The following TRAPPC3L variants were observed in gnomAD, a reference collection of about 807,000 sequenced individuals.
The protein encoded by TRAPPC3L is trafficking protein particle complex subunit 3-like protein.
A neutral mutation model predicts 23.7 loss-of-function variants in TRAPPC3L; 23 were observed. That is an observed-to-expected ratio of 0.97 (90% CI 0.70 to 1.37). TRAPPC3L has a LOEUF of 1.37. TRAPPC3L is among the 40% of genes most tolerant of loss of function. The probability of loss-of-function intolerance (pLI) is 0.00; values close to 1 mark genes in which losing one functional copy is unlikely to be tolerated. For missense variants in TRAPPC3L, 212 were observed against 216.8 expected, an observed-to-expected ratio of 0.98 and a Z score of 0.14; for synonymous variants, 81 against 77.9, an observed-to-expected ratio of 1.04 and a Z score of -0.21.
intron 3 of TRAPPC3L, among the ~76,000 whole-genome samples, chr6:116,531,371 GTGGA>G (rs1431558576): frequency 1.3e-5 from 2 of 152,080 alleles, no homozygotes; most frequent in African/African-American, 2.4e-5. Context: ...AAGCAGTGAG[GTGGA>G]GAGAAGGAAA....
At chr6:116,515,613 G>C in intron 3 of TRAPPC3L, 1 of 1,610,550 alleles carries the variant, frequency 6.2e-7, no homozygotes. Flanking sequence ...CTAGGATGGT[G>C]CCTGATTTGT....
intron 3 of TRAPPC3L, among the ~76,000 whole-genome samples, chr6:116,530,248 C>T (rs990675430): frequency 6.6e-6 from 1 of 151,912 alleles, no homozygotes; most frequent in African/African-American, 2.4e-5. Context: ...AAGGAAAAAA[C>T]AGCCTAAGAT....
chr6:116,512,257 C>G (rs993210554), intron 3 of TRAPPC3L: 2 of 1,573,908 alleles, frequency 1.3e-6, no homozygotes, highest in African/African-American at 2.7e-5. Context: ...ACAAACTCGC[C>G]TTTTTCTCTC....
Position 116,497,075 on chromosome 6 carries a change from T to A in TRAPPC3L, c.427-2A>T. On this transcript the variant is annotated splice_acceptor_variant, in intron 4 of 4. Transcript: ENST00000368602. LOFTEE classifies it high-confidence loss of function. ...TGTAACATCAGCCGCCAAATGAACC[T>A]AGGAAAGAAGAAAAAAACAGGCCTG... 1 of 1,537,140 alleles carries A rather than the reference T, an allele frequency of 6.5e-7. No individual in the cohort carries two copies. Among genetic ancestry groups the A allele is most frequent in the East Asian group, 2.5e-5 (1 of 40,066 alleles).
chr6:116,539,000 G>A (rs776892437), intron 3 of TRAPPC3L, among the ~76,000 whole-genome samples: 2 of 151,916 alleles, frequency 1.3e-5, no homozygotes, highest in Non-Finnish European at 2.9e-5. Context: ...TAAGCTAATG[G>A]GATGAATTTT....
intron 1 of TRAPPC3L, chr6:116,543,811 C>T (rs1165641210): frequency 2.0e-6 from 3 of 1,534,126 alleles, no homozygotes; most frequent in Middle Eastern, 1.7e-4. Flanking sequence ...TGCACAATCC[C>T]TAATGGCCCC....
chr6:116,536,915 ATGC>A (rs58771039), intron 3 of TRAPPC3L, among the ~76,000 whole-genome samples: 5,725 of 152,254 alleles, frequency 0.038, 350 homozygotes, highest in African/African-American at 0.13. Flanking sequence ...TAATAAGATA[ATGC>A]TGCCACAGGC....
At chr6:116,505,637 AC>A (rs1771991873) in intron 3 of TRAPPC3L, among the ~76,000 whole-genome samples, 1 of 152,218 alleles carries the variant, frequency 6.6e-6, no homozygotes, top group African/African-American at 2.4e-5. Context: ...GGTTACAGTA[AC>A]CAAAACAGCA....
chr6:116,535,680 C>A (rs1244558087), intron 3 of TRAPPC3L, among the ~76,000 whole-genome samples: 1 of 152,168 alleles, frequency 6.6e-6, no homozygotes, highest in Non-Finnish European at 1.5e-5. Context: ...TCTAATATTT[C>A]ATTATTACAA....
intron 3 of TRAPPC3L, chr6:116,515,939 G>T (rs368164220): frequency 6.2e-7 from 1 of 1,612,576 alleles, no homozygotes; most frequent in Middle Eastern, 1.6e-4. Flanking sequence ...ACTTAGCCCT[G>T]AGGATGATGA....
intron 3 of TRAPPC3L, chr6:116,524,851 A>G (rs1227290929): frequency 1.3e-5 from 2 of 152,210 alleles, no homozygotes; most frequent in Non-Finnish European, 2.9e-5. Context: ...TTTAAAACTA[A>G]ACCACTCCTA....
intron 4 of TRAPPC3L, 25 bp from the exon 5 acceptor site, chr6:116,497,098 C>T (rs1456131272): frequency 3.3e-6 from 5 of 1,506,796 alleles, no homozygotes; most frequent in Non-Finnish European, 4.4e-6. Flanking sequence ...AAAAACAGGC[C>T]TGTGTCATTC....
chr6:116,511,816 G>C, intron 3 of TRAPPC3L: 4 of 1,614,066 alleles, frequency 2.5e-6, no homozygotes, highest in Non-Finnish European at 3.4e-6. Context: ...TGGCTTTTAA[G>C]TGCCCCTGCA....
In TRAPPC3L at chr6:116,542,386, T is replaced by A. The variant is rs140160905; in HGVS notation, c.140+917A>T. ...AGAAAGAAGAAAAATGAGAGTTTTT[T>A]AAAAAGACTTTCAATCTTTATGTTG... is the stretch of plus-strand genomic sequence containing the variant. On this transcript the variant is annotated intron_variant, in intron 2 of 4. Coordinates refer to ENST00000368602, the MANE Select transcript of TRAPPC3L (RefSeq NM_001139444.3). 7.8e-3 allele frequency among the ~76,000 whole-genome samples: 1,192 copies of A among 152,244 alleles called. 21 individuals carry two copies. The highest frequency in any genetic ancestry group is 0.027 in the African/African-American group (1,122 of 41,580).
At chr6:116,501,432 G>A (rs1436850700) in intron 3 of TRAPPC3L, among the ~76,000 whole-genome samples, 1 of 152,254 alleles carries the variant, frequency 6.6e-6, no homozygotes, top group Non-Finnish European at 1.5e-5. Flanking sequence ...ACCTCTGGGG[G>A]CAGGGCATAT....
At chr6:116,517,883 A>G (rs1167262247) in intron 3 of TRAPPC3L, 1 of 152,194 alleles carries the variant, frequency 6.6e-6, no homozygotes, top group Non-Finnish European at 1.5e-5. Flanking sequence ...GATTTAATCA[A>G]TCATGCCTAA....
intron 4 of TRAPPC3L, among the ~76,000 whole-genome samples, chr6:116,497,817 A>C (rs1771855569): frequency 6.6e-6 from 1 of 152,232 alleles, no homozygotes. Flanking sequence ...AATAAGTAAA[A>C]GCACCTAGTA....
intron 3 of TRAPPC3L, among the ~76,000 whole-genome samples, chr6:116,507,639 T>A (rs1001978876): frequency 2.0e-5 from 3 of 152,190 alleles, no homozygotes; most frequent in African/African-American, 7.2e-5. Context: ...GGTTTGGTAC[T>A]GTCTGCAGTT....
chr6:116,542,116 A>G (rs1280150246), intron 2 of TRAPPC3L, among the ~76,000 whole-genome samples: 1 of 152,200 alleles, frequency 6.6e-6, no homozygotes, highest in Admixed American at 6.6e-5. Flanking sequence ...GTCAAATAAA[A>G]TGAAGTAATT....
Sources: gnomAD v4.1 joint callset for allele counts (sites outside exome capture counted in the v4.1 genomes callset) on GRCh38, gnomAD v4.1.1 for gene constraint, MANE v1.5 for transcripts, NCBI Gene and HGNC (gene_info 2026-07-23, HGNC 2026-07-21) for gene names.